MBTPS1: variants seen among roughly 807,000 people sequenced by gnomAD.
MBTPS1 encodes membrane bound transcription factor peptidase, site 1, also known as membrane-bound transcription factor site-1 protease.
MBTPS1 carries 94 observed loss-of-function variants against 127.8 expected under a neutral mutation model. That is an observed-to-expected ratio of 0.74 (90% confidence interval 0.62 to 0.87). MBTPS1 has a LOEUF of 0.87. Among genes scored for constraint, MBTPS1 ranks in the 40% least tolerant of loss-of-function variants. The pLI is 0.00. For missense variants in MBTPS1, 1,636 were observed against 1,353.2 expected, an observed-to-expected ratio of 1.21 and a Z score of -3.28; for synonymous variants, 632 against 509.4, an observed-to-expected ratio of 1.24 and a Z score of -3.24.
chr16:84,070,470 G>A (rs867884795), intron 13 of MBTPS1, 118 bp downstream of exon 13: 1 of 1,032,454 alleles, frequency 9.7e-7, no homozygotes, highest in Admixed American at 2.4e-5. Context: ...TGGCCATCGA[G>A]GATAAGCCTA....
intron 11 of MBTPS1, chr16:84,075,021 C>G: frequency 4.1e-6 from 1 of 243,150 alleles, no homozygotes; most frequent in Non-Finnish European, 7.9e-6. Context: ...AGAATGAGTA[C>G]GTGACCAGCC....
chr16:84,110,384 T>A (rs1197485845), intron 1 of MBTPS1, among the ~76,000 whole-genome samples: 1 of 152,142 alleles, frequency 6.6e-6, no homozygotes, highest in Non-Finnish European at 1.5e-5. Flanking sequence ...CAGAAAAACC[T>A]GAGGCACCCC....
intron 3 of MBTPS1, 103 bp downstream of exon 3, chr16:84,098,950 G>A (rs2086216271): frequency 1.7e-6 from 2 of 1,149,064 alleles, no homozygotes; most frequent in East Asian, 2.4e-5. Flanking sequence ...CAAACTAGAT[G>A]GAAGGATGCG....
At chr16:84,091,952 T>G (rs1418237017) in intron 6 of MBTPS1, 104 bp from the exon 7 acceptor site, 2 of 712,628 alleles carry the variant, frequency 2.8e-6, no homozygotes, top group African/African-American at 1.8e-5. Flanking sequence ...GTAGTTCTCT[T>G]AATTTTTTTT....
At chr16:84,058,936 A>G (rs940956437) in intron 21 of MBTPS1, among the ~76,000 whole-genome samples, 5 of 152,172 alleles carry the variant, frequency 3.3e-5, no homozygotes, top group African/African-American at 1.2e-4. Context: ...GAAGGGAACT[A>G]TCTGTATCTT....
chr16:84,063,257 A>G (rs541813989), intron 19 of MBTPS1, 48 bp downstream of exon 19: 2 of 1,584,880 alleles, frequency 1.3e-6, no homozygotes, highest in Middle Eastern at 2.0e-4. Context: ...CAAAGGGAAG[A>G]AAGGATCTGA....
chr16:84,080,913 A>C (rs1019796959), intron 11 of MBTPS1, among the ~76,000 whole-genome samples: 1 of 152,222 alleles, frequency 6.6e-6, no homozygotes, highest in Non-Finnish European at 1.5e-5. Flanking sequence ...GACAGACCAC[A>C]TTAATCAAAT....
In MBTPS1 at chr16:84,063,380, T is replaced by A; in HGVS notation, c.2497A>T (p.Ile833Phe). Residue 833 changes from isoleucine to phenylalanine, a missense_variant, in exon 19 of 23, where the codon ATT becomes TTT. Coordinates refer to ENST00000343411, the MANE Select transcript of MBTPS1 (RefSeq NM_003791.4). ...ENVPILGLYQ[I>F]PAEGGGRIVL... ...ATCCGGCCTCCACCCTCAGCTGGAA[T>A]CTGATAAAGTCCCAAAATGGGGACG... 6.2e-7 allele frequency: 1 copy of A among 1,614,172 alleles called. No individual in the cohort carries two copies. Among genetic ancestry groups the A allele is most frequent in the East Asian group, 2.2e-5 (1 of 44,880 alleles).
intron 19 of MBTPS1, among the ~76,000 whole-genome samples, chr16:84,062,727 A>C (rs1267346828): frequency 6.6e-6 from 1 of 152,158 alleles, no homozygotes; most frequent in African/African-American, 2.4e-5. Context: ...CAAGCCCCCA[A>C]ATCCAACGGA....
chr16:84,079,118 CT>C, intron 11 of MBTPS1, among the ~76,000 whole-genome samples: 1 of 152,288 alleles, frequency 6.6e-6, no homozygotes, highest in African/African-American at 2.4e-5. Flanking sequence ...AGTCTGGGAC[CT>C]CCCCGCTCTC....
At chr16:84,099,492 T>C (rs1452111949) in intron 2 of MBTPS1, among the ~76,000 whole-genome samples, 182 bp from the exon 3 acceptor site, 1 of 152,070 alleles carries the variant, frequency 6.6e-6, no homozygotes, top group East Asian at 1.9e-4. Flanking sequence ...TGAGGAAAAA[T>C]GATCTATATG....
At chr16:84,076,520 G>A (rs1319193610) in intron 11 of MBTPS1, among the ~76,000 whole-genome samples, 1 of 152,142 alleles carries the variant, frequency 6.6e-6, no homozygotes, top group Non-Finnish European at 1.5e-5. Flanking sequence ...TTTCCATATG[G>A]TAGGTTAGTA....
Position 84,054,182 on chromosome 16 carries a change from C to G in MBTPS1, c.*267G>C, listed in dbSNP as rs146603309. The G allele has an allele frequency of 3.2e-6, 1 of 310,656 alleles. No individual in the cohort carries two copies. Among genetic ancestry groups the G allele is most frequent in the South Asian group, 1.3e-4 (1 of 7,782 alleles). 19.2% of individuals were successfully genotyped at this position (310,656 alleles called of 1,614,324 possible). A position where few individuals can be genotyped will look rare whatever the true frequency, so the allele number is the denominator to read the frequency against. ...CCCCAGACAGCCTTTCCAGTTCTCC[C>G]GAGTCTTTGGTGCGCACAGCTGCCG... is the stretch of plus-strand genomic sequence containing the variant. On this transcript the variant is annotated 3_prime_UTR_variant, in exon 23 of 23. Transcript: ENST00000343411.
intron 1 of MBTPS1, among the ~76,000 whole-genome samples, chr16:84,105,807 T>C (rs1042879697): frequency 2.6e-5 from 4 of 152,102 alleles, no homozygotes; most frequent in Non-Finnish European, 5.9e-5. Flanking sequence ...GCTCCTGTGT[T>C]CACCCATCCA....
intron 1 of MBTPS1, among the ~76,000 whole-genome samples, chr16:84,111,510 C>T (rs2086396180): frequency 6.6e-6 from 1 of 151,158 alleles, no homozygotes; most frequent in African/African-American, 2.4e-5. Flanking sequence ...CACTGCACTC[C>T]AGCCTGGGCA....
intron 22 of MBTPS1, 101 bp downstream of exon 22, chr16:84,055,904 G>A (rs2085514382): frequency 7.5e-7 from 1 of 1,336,562 alleles, no homozygotes; most frequent in African/African-American, 1.5e-5. Context: ...CAGGAAGGCA[G>A]AGACAGGGAG....
chr16:84,071,938 G>A (rs1376176704), intron 12 of MBTPS1: 2 of 152,226 alleles, frequency 1.3e-5, no homozygotes, highest in African/African-American at 2.4e-5. Context: ...ACTCATACAA[G>A]AGGAAACAGA....
chr16:84,070,029 C>A lies in MBTPS1; in HGVS notation c.1792G>T (p.Gly598Cys), dbSNP rs780652782. The A allele has an allele frequency of 6.4e-7, 1 of 1,558,904 alleles. No homozygotes were observed. The highest frequency in any genetic ancestry group is 2.2e-5 in the Admixed American group (1 of 44,814). The change falls in exon 14 of 23, where the codon GGT becomes TGT. Residue 598 changes from glycine (G) to cysteine (C), a missense_variant. Gly to Cys is a radical substitution (Grantham distance 159). Transcript: ENST00000343411. Reference sequence around the variant, plus strand: ...TTTACTGTTGAAGTCTGTTCTGCACCATTTTTTGACTAAAAAAAAAGAAAA... The same window carrying A: ...TTTACTGTTGAAGTCTGTTCTGCACAATTTTTTGACTAAAAAAAAAGAAAA... ...ASPAETESKN[G>C]AEQTSTVKLP...
chr16:84,059,813 A>T (rs1241929027), intron 20 of MBTPS1: 3 of 155,496 alleles, frequency 1.9e-5, no homozygotes, highest in Non-Finnish European at 4.2e-5. Flanking sequence ...CTGGCCAAAT[A>T]AAAAACCACT....
Sources: gnomAD v4.1 joint callset for allele counts (sites outside exome capture counted in the v4.1 genomes callset) on GRCh38, gnomAD v4.1.1 for gene constraint, MANE v1.5 for transcripts, NCBI Gene and HGNC (gene_info 2026-07-23, HGNC 2026-07-21) for gene names.